NEB: variants seen among roughly 807,000 people sequenced by gnomAD.
NEB encodes the protein nemaline myopathy type 2.
A neutral mutation model predicts 952.2 loss-of-function variants in NEB; 512 were observed. The ratio of observed to expected loss-of-function variants is 0.54; its 90% confidence interval spans 0.50 to 0.58. NEB has a LOEUF of 0.58. Ranked by LOEUF, NEB falls within the 20% of genes least tolerant of loss-of-function variation. The pLI is 0.00. For missense variants in NEB, 8,428 were observed against 9,231.1 expected (o/e 0.91, Z 3.56); for synonymous variants, 2,900 against 3,149.8 (o/e 0.92, Z 2.66).
At chr2:151,555,568 G>A (rs1428411745) in intron 124 of NEB, among the ~76,000 whole-genome samples, 4 of 152,124 alleles carry the variant, frequency 2.6e-5, no homozygotes, top group Non-Finnish European at 4.4e-5. Context: ...ATAACAATTA[G>A]TTCTTAAGCC....
At chr2:151,538,277 A>T (rs1471260772) in intron 138 of NEB, 33 bp from the exon 139 acceptor site, 1 of 1,475,288 alleles carries the variant, frequency 6.8e-7, no homozygotes. Context: ...AATTACAAAA[A>T]AACTACCAAG....
intron 168 of NEB, among the ~76,000 whole-genome samples, chr2:151,500,066 T>G (rs2063258365): frequency 6.6e-6 from 1 of 152,322 alleles, no homozygotes; most frequent in Admixed American, 6.5e-5. Flanking sequence ...TGAAAATCGT[T>G]GCAAGCCTTT....
chr2:151,632,708 AT>A (rs1444871077), intron 65 of NEB, among the ~76,000 whole-genome samples: 1 of 151,944 alleles, frequency 6.6e-6, no homozygotes, highest in Non-Finnish European at 1.5e-5. Flanking sequence ...AATGAAAACA[AT>A]AACAGTTTAT....
intron 169 of NEB, 89 bp from the exon 170 acceptor site, chr2:151,498,441 G>GAAGA (rs2061833888): frequency 1.1e-6 from 1 of 878,144 alleles, no homozygotes; most frequent in South Asian, 1.8e-5. Context: ...GGGAAGGGAG[G>GAAGA]AAGAGAGTAA....
intron 70 of NEB, among the ~76,000 whole-genome samples, chr2:151,625,871 C>T (rs915502764): frequency 3.3e-5 from 5 of 152,130 alleles, no homozygotes; most frequent in African/African-American, 1.2e-4. Flanking sequence ...AACACACACA[C>T]ACATATACAC....
intron 28 of NEB, among the ~76,000 whole-genome samples, chr2:151,683,593 A>G (rs1009768527): frequency 1.3e-5 from 2 of 152,222 alleles, no homozygotes; most frequent in African/African-American, 2.4e-5. Context: ...ATAACAATGT[A>G]TAATATAGAA....
intron 180 of NEB, 37 bp downstream of exon 180, chr2:151,490,335 G>A (rs370366880): frequency 9.9e-5 from 156 of 1,573,008 alleles, no homozygotes; most frequent in African/African-American, 4.3e-4. Context: ...TGAGCTGGCC[G>A]GGTGGGACTG....
intron 105 of NEB, among the ~76,000 whole-genome samples, chr2:151,577,688 C>T (rs1414664000): frequency 3.9e-5 from 6 of 152,146 alleles, no homozygotes; most frequent in African/African-American, 1.4e-4. Flanking sequence ...AAACGATTCT[C>T]CTGCCTCAGC....
chr2:151,695,828 T>A (rs4564766), intron 17 of NEB, 146 bp from the exon 18 acceptor site: 156,502 of 644,380 alleles, frequency 0.24, 27,287 homozygotes, highest in East Asian at 0.62. Flanking sequence ...GCATTACTGA[T>A]CCTGTGTGCA....
intron 13 of NEB, among the ~76,000 whole-genome samples, chr2:151,703,559 C>CT (rs2099686589): frequency 4.2e-5 from 1 of 23,924 alleles, no homozygotes; most frequent in African/African-American, 9.0e-5. Context: ...TTGCTCATTT[C>CT]TTTTTATTCT....
chr2:151,521,949 G>C (rs1042759759), intron 153 of NEB, among the ~76,000 whole-genome samples: 9 of 152,156 alleles, frequency 5.9e-5, no homozygotes, highest in Non-Finnish European at 1.5e-5. Context: ...TTCTTGGAAT[G>C]GTGTTTGACT....
chr2:151,723,693 G>A (rs897439303), intron 8 of NEB, among the ~76,000 whole-genome samples: 1 of 151,466 alleles, frequency 6.6e-6, no homozygotes, highest in African/African-American at 2.4e-5. Context: ...ATTTTCAGAG[G>A]GGCAGATGTG....
At chr2:151,682,153 G>T (rs999682390) in intron 29 of NEB, among the ~76,000 whole-genome samples, 15 of 152,124 alleles carry the variant, frequency 9.9e-5, no homozygotes, top group Non-Finnish European at 1.9e-4. Flanking sequence ...TTCTAGAAAA[G>T]ATAAAACTTT....
chr2:151,543,942 G>A (rs1444688046), intron 135 of NEB, among the ~76,000 whole-genome samples: 11 of 152,264 alleles, frequency 7.2e-5, no homozygotes, highest in Admixed American at 3.3e-4. Flanking sequence ...CTCAAAAGTC[G>A]GTAACTTCTT....
In NEB at chr2:151,628,568, T is replaced by C. The variant is rs142880846; in HGVS notation, c.9832-734A>G. ...AGAAGTCCGAATTTTCAGCTGGGCATAGTGGCTTATGCCTGTAATCCCAGC... is the reference window on the plus strand; with the variant it reads ...AGAAGTCCGAATTTTCAGCTGGGCACAGTGGCTTATGCCTGTAATCCCAGC... On this transcript the variant is annotated intron_variant, in intron 68 of 181. Coordinates refer to ENST00000397345, the MANE Select transcript of NEB (RefSeq NM_001164508.2). Among the ~76,000 whole-genome samples, 229 of 152,250 alleles carry C rather than the reference T, an allele frequency of 1.5e-3. 2 individuals are homozygous for C. The highest frequency in any genetic ancestry group is 5.2e-3 in the African/African-American group (218 of 41,550).
chr2:151,714,733 A>T (rs1015583341), intron 10 of NEB, among the ~76,000 whole-genome samples: 2 of 152,162 alleles, frequency 1.3e-5, no homozygotes, highest in South Asian at 2.1e-4. Flanking sequence ...TTTTTAAAAA[A>T]TTTATTTTTT....
chr2:151,723,077 C>T (rs1027094437), intron 9 of NEB, among the ~76,000 whole-genome samples: 3 of 152,182 alleles, frequency 2.0e-5, no homozygotes, highest in African/African-American at 4.8e-5. Flanking sequence ...GACTCATGCT[C>T]TAATGGGAAG....
At position 151,627,090 on chromosome 2, in the gene NEB, C is replaced by T. The variant is rs373385805; in HGVS notation, c.10259G>A (p.Arg3420His). Residue 3420 changes from arginine to histidine, a missense_variant, in exon 70 of 182, where the codon CGC (arginine) becomes CAC (histidine). Around this residue, in one of 11 missense-constraint regions of NEB, gnomAD observed 1,772 missense variants for 1,960.3 expected, o/e 0.90. Transcript: ENST00000397345. ...AAATTTCAGCTTGTCCGGAGGCTGG[C>T]GGTAGATGTTATCACTCAGTATTTC... ...AAEILSDNIY[R>H]QPPDKLKFTS... 1.2e-5 allele frequency: 20 copies of T among 1,613,784 alleles called. No individual in the cohort carries two copies. Among genetic ancestry groups the T allele is most frequent in the East Asian group, 6.7e-5 (3 of 44,880 alleles).
chr2:151,524,048 G>A (rs766969896), intron 153 of NEB, among the ~76,000 whole-genome samples: 3 of 152,152 alleles, frequency 2.0e-5, no homozygotes, highest in Admixed American at 6.5e-5. Flanking sequence ...ATGAACTGAT[G>A]TTTTTGTCAC....
Sources: allele counts gnomAD v4.1 joint callset (sites outside exome capture counted in the v4.1 genomes callset), GRCh38; gene constraint gnomAD v4.1.1; regional missense constraint gnomAD v4.1.1; transcripts MANE v1.5; gene names NCBI Gene and HGNC (gene_info 2026-07-23, HGNC 2026-07-21).